CMYA5: variants seen among roughly 807,000 people sequenced by gnomAD.
The protein encoded by CMYA5 is cardiomyopathy associated 5.
In CMYA5, 246 loss-of-function variants were observed where a neutral mutation model predicts 318.9. The observed-to-expected ratio is 0.77, with a 90% confidence interval of 0.70 to 0.86. The LOEUF (loss-of-function observed/expected upper bound fraction) is 0.86. CMYA5 is among the 40% of genes least tolerant of loss of function. CMYA5 has a pLI of 0.00. For synonymous variants in CMYA5, 1,641 were observed against 1,729.5 expected, an observed-to-expected ratio of 0.95 and a Z score of 1.27; for missense variants, 4,589 against 4,678.2, an observed-to-expected ratio of 0.98 and a Z score of 0.56.
chr5:79,689,869 G>T lies in CMYA5; in HGVS notation c.-39G>T, dbSNP rs954515185. The T allele has an allele frequency of 6.0e-6, 4 of 667,146 alleles. No homozygotes were observed. Among genetic ancestry groups the T allele is most frequent in the Non-Finnish European group, 1.1e-5 (4 of 371,738 alleles). 41.3% of individuals were successfully genotyped at this position (667,146 alleles called of 1,614,324 possible). A position where few individuals can be genotyped will look rare whatever the true frequency, so the allele number is the denominator to read the frequency against. ...GGAGAACACCAGGCGCGGCGCGGGC[G>T]GCTCCGGCTCCGGCCCCGGCCCAGG... On this transcript the variant is annotated 5_prime_UTR_variant, in exon 1 of 13. Transcript: ENST00000446378.
At chr5:79,745,820 G>A (rs181993791) in intron 4 of CMYA5, among the ~76,000 whole-genome samples, 95 of 152,282 alleles carry the variant, frequency 6.2e-4, no homozygotes, top group Admixed American at 1.0e-3. Context: ...TCCTGGGGCC[G>A]TCCTCTTCAC....
chr5:79,785,172 A>G (rs1381921311), intron 9 of CMYA5, among the ~76,000 whole-genome samples: 1 of 151,922 alleles, frequency 6.6e-6, no homozygotes, highest in African/African-American at 2.4e-5. Context: ...TGATCCATCT[A>G]TTTATGCCCC....
At chr5:79,711,747 C>T (rs979810376) in intron 1 of CMYA5, among the ~76,000 whole-genome samples, 1 of 152,156 alleles carries the variant, frequency 6.6e-6, no homozygotes, top group African/African-American at 2.4e-5. Flanking sequence ...AAGTTATCAT[C>T]CAGAGCTGAT....
intron 9 of CMYA5, among the ~76,000 whole-genome samples, chr5:79,766,265 A>T (rs866493692): frequency 1.3e-4 from 19 of 151,984 alleles, no homozygotes; most frequent in African/African-American, 4.6e-4. Context: ...AGCCCCGCTA[A>T]TTTTTTTGGG....
At chr5:79,784,712 C>A (rs573822313) in intron 9 of CMYA5, among the ~76,000 whole-genome samples, 1 of 139,668 alleles carries the variant, frequency 7.2e-6, no homozygotes. Flanking sequence ...TTCTTTGACT[C>A]GGAAAGGGAA....
chr5:79,709,960 CAAAAAAAAAAAAAAA>C (rs61657639), intron 1 of CMYA5, among the ~76,000 whole-genome samples: 11 of 24,324 alleles, frequency 4.5e-4, no homozygotes, highest in African/African-American at 1.5e-3. Flanking sequence ...GACTCCATCT[CAAAAAAAAAAAAAAA>C]AAAAAAAAAA....
At chr5:79,692,070 T>G (rs1826979475) in intron 1 of CMYA5, among the ~76,000 whole-genome samples, 1 of 152,218 alleles carries the variant, frequency 6.6e-6, no homozygotes, top group Admixed American at 6.5e-5. Context: ...ATCATGCAGA[T>G]GAAGCCTCCA....
At chr5:79,708,907 CTG>C (rs1305090787) in intron 1 of CMYA5, among the ~76,000 whole-genome samples, 3 of 152,292 alleles carry the variant, frequency 2.0e-5, no homozygotes, top group Admixed American at 6.5e-5. Flanking sequence ...ATACTCCACT[CTG>C]TCACTCTGGG....
chr5:79,763,210 G>C lies in CMYA5; in HGVS notation c.11555+1G>C, dbSNP rs113278131. 1.1e-5 allele frequency: 18 copies of C among 1,597,470 alleles called. No homozygotes were observed. The highest frequency in any genetic ancestry group is 1.4e-5 in the Non-Finnish European group (17 of 1,173,532). ...ACTCTCCTGAGGGAGAGGGCCTCAG[G>C]TGAGGGGCCCTCTCCATGGGAGAGA... On this transcript the variant is annotated splice_donor_variant, in intron 9 of 12. Coordinates refer to ENST00000446378, the MANE Select transcript of CMYA5 (RefSeq NM_153610.5). LOFTEE classifies it high-confidence loss of function.
At position 79,736,501 on chromosome 5, in the gene CMYA5, C is replaced by A. The variant is rs371871117; in HGVS notation, c.7736C>A (p.Ser2579Tyr). 1 of 1,612,574 alleles carries A rather than the reference C, an allele frequency of 6.2e-7. No individual in the cohort carries two copies. Among genetic ancestry groups the A allele is most frequent in the African/African-American group, 1.3e-5 (1 of 75,000 alleles). Residue 2579 changes from serine to tyrosine, a missense_variant, in exon 2 of 13, where the codon TCT (serine) becomes TAT (tyrosine). Physicochemically the swap from Ser to Tyr is moderately radical, Grantham distance 144 (BLOSUM62 -2). This residue lies in a region of CMYA5 where 2,431 missense variants were observed against 2,495.1 expected (regional missense o/e 0.97). Coordinates refer to ENST00000446378, the MANE Select transcript of CMYA5 (RefSeq NM_153610.5). ...SRESDISLGH[S>Y]LGETQSFSLV... ...GAATCAGATATCTCTTTAGGTCATT[C>A]TTTGGGTGAAACTCAATCATTTTCA...
rs1329639008 is a variant in CMYA5, at chr5:79,739,146, A to T, written c.10381A>T (p.Ile3461Phe). ...TCAAGGAAAGGAATCCTTTGAGCAC[A>T]TCAGTGAAAATGAATTTGCGAGTGA... is the stretch of plus-strand genomic sequence containing the variant. ...LSQGKESFEH[I>F]SENEFASEAE... Residue 3461 changes from isoleucine to phenylalanine, a missense_variant, in exon 2 of 13, where the codon ATC becomes TTC. By Grantham distance (21) the Ile-to-Phe change is conservative. This residue lies in a region of CMYA5 where 2,431 missense variants were observed against 2,495.1 expected (regional missense o/e 0.97). Coordinates refer to ENST00000446378, the MANE Select transcript of CMYA5 (RefSeq NM_153610.5). The T allele has an allele frequency of 5.6e-6, 9 of 1,613,662 alleles. No individual in the cohort carries two copies. The highest frequency in any genetic ancestry group is 7.6e-6 in the Non-Finnish European group (9 of 1,179,816).
At position 79,733,925 on chromosome 5, in the gene CMYA5, C is replaced by G; in HGVS notation, c.5160C>G (p.Ile1720Met). 1 of 1,613,200 alleles carries G rather than the reference C, an allele frequency of 6.2e-7. No homozygotes were observed. Among genetic ancestry groups the G allele is most frequent in the Non-Finnish European group, 8.5e-7 (1 of 1,179,772 alleles). The stretch of plus-strand genomic sequence containing the variant: ...AAATTAAACCTTTCTCTCCCAAGAT[C>G]ATCAGCCTAGAGTCGAAAGAACCAC... The part of the protein sequence containing the change: ...NEEIKPFSPK[I>M]ISLESKEPPA... The change falls in exon 2 of 13, where the codon ATC becomes ATG. Residue 1720 changes from isoleucine (I) to methionine (M), a missense_variant. Ile to Met is a conservative substitution (Grantham distance 10). Coordinates refer to ENST00000446378, the MANE Select transcript of CMYA5 (RefSeq NM_153610.5).
chr5:79,733,089 G>A lies in CMYA5; in HGVS notation c.4324G>A (p.Glu1442Lys), dbSNP rs761354394. 9.9e-6 allele frequency: 16 copies of A among 1,613,632 alleles called. No homozygotes were observed. Among genetic ancestry groups the A allele is most frequent in the Non-Finnish European group, 1.4e-5 (16 of 1,179,768 alleles). ...KHLAWSEAEK[E>K]IKFDSLPSVS... ...TTTAGCTTGGTCAGAAGCAGAGAAGGAAATTAAATTTGATTCACTTCCAAG... is the reference window on the plus strand; with the variant it reads ...TTTAGCTTGGTCAGAAGCAGAGAAGAAAATTAAATTTGATTCACTTCCAAG... Residue 1442 changes from glutamate to lysine, a missense_variant, in exon 2 of 13, where the codon GAA (glutamate) becomes AAA (lysine). This residue lies in a region of CMYA5 where 2,132 missense variants were observed against 2,131.3 expected (regional missense o/e 1.00). Coordinates refer to ENST00000446378, the MANE Select transcript of CMYA5 (RefSeq NM_153610.5).
chr5:79,727,910 T>C (rs1032338281), intron 1 of CMYA5, among the ~76,000 whole-genome samples: 2 of 152,236 alleles, frequency 1.3e-5, no homozygotes, highest in Non-Finnish European at 1.5e-5. Flanking sequence ...TTCTGTATCC[T>C]GTAGCAGCTG....
chr5:79,758,910 T>G lies in CMYA5; in HGVS notation c.11260+8T>G. On this transcript the variant is annotated splice_region_variant and intron_variant, in intron 7 of 12. Coordinates refer to ENST00000446378, the MANE Select transcript of CMYA5 (RefSeq NM_153610.5). ...ATGATCAAGAAGTAAATGGTAGGAT[T>G]GCTAACACAAATACAAATGCATATG... 4.5e-6 allele frequency: 7 copies of G among 1,561,798 alleles called. No homozygotes were observed. Among genetic ancestry groups the G allele is most frequent in the Non-Finnish European group, 5.2e-6 (6 of 1,153,512 alleles).
rs779728928 is a variant in CMYA5, at chr5:79,735,316, G to C, written c.6551G>C (p.Ser2184Thr). 3 of 1,613,712 alleles carry C rather than the reference G, an allele frequency of 1.9e-6. No homozygotes were observed. The African/African-American group carries it at 4.0e-5, about 22-fold the overall frequency. ...GISSFKSWMS[S>T]LFFGSSTPDN... ...TCATCTTTCAAATCGTGGATGTCCA[G>C]CTTGTTTTTTGGATCGAGCACTCCA... Residue 2184 changes from serine (S) to threonine (T), a missense_variant, in exon 2 of 13, where the codon AGC (serine) becomes ACC (threonine). By Grantham distance (58) the Ser-to-Thr change is moderately conservative. Around this residue, in one of 3 missense-constraint regions of CMYA5, gnomAD observed 2,431 missense variants for 2,495.1 expected, o/e 0.97. Coordinates refer to ENST00000446378, the MANE Select transcript of CMYA5 (RefSeq NM_153610.5).
chr5:79,762,056 T>G, intron 8 of CMYA5, 99 bp downstream of exon 8: 1 of 1,318,512 alleles, frequency 7.6e-7, no homozygotes, highest in Non-Finnish European at 1.0e-6. Context: ...ACCTATTGTG[T>G]GTTGAGTGTT....
In CMYA5 at chr5:79,785,551, A is replaced by C. The variant is rs553063542; in HGVS notation, c.11556-3420A>C. Among the ~76,000 whole-genome samples, 30 of 151,854 alleles carry C rather than the reference A, an allele frequency of 2.0e-4. 1 individual carries two copies. In the South Asian group the frequency reaches 5.4e-3, roughly 27 times the overall value. ...TATGTCTGTCACTATTCTAAATAAGATTTTTCATTTTATCTCCTATCTAGT... is the reference window on the plus strand; with the variant it reads ...TATGTCTGTCACTATTCTAAATAAGCTTTTTCATTTTATCTCCTATCTAGT... On this transcript the variant is annotated intron_variant, in intron 9 of 12. Transcript: ENST00000446378.
At chr5:79,758,621 CAA>C (rs1828580394) in intron 6 of CMYA5, 130 bp from the exon 7 acceptor site, 1 of 506,628 alleles carries the variant, frequency 2.0e-6, no homozygotes, top group African/African-American at 2.0e-5. Flanking sequence ...TTTGGGGGAA[CAA>C]GAGAGCCCTT....
Sources: allele counts gnomAD v4.1 joint callset (sites outside exome capture counted in the v4.1 genomes callset), GRCh38; gene constraint gnomAD v4.1.1; regional missense constraint gnomAD v4.1.1; transcripts MANE v1.5; gene names NCBI Gene and HGNC (gene_info 2026-07-23, HGNC 2026-07-21).